DNAH7: variants seen among roughly 807,000 people sequenced by gnomAD.
DNAH7 encodes axonemal beta dynein heavy chain 7.
DNAH7 carries 397 observed loss-of-function variants against 444.6 expected under a neutral mutation model. The observed-to-expected ratio is 0.89, with a 90% confidence interval of 0.82 to 0.97. The LOEUF is 0.97. DNAH7 is among the 50% of genes least tolerant of loss of function. The pLI is 0.00. For missense variants in DNAH7, 4,902 were observed against 4,800.8 expected (o/e 1.02, Z -0.62); for synonymous variants, 1,636 against 1,624.4 (o/e 1.01, Z -0.17).
chr2:195,861,806 A>G lies in DNAH7; in HGVS notation c.7647T>C (p.Phe2549=), dbSNP rs199887822. The change falls in exon 42 of 65, where the codon TTT becomes TTC. Residue 2549 remains phenylalanine (F), a synonymous_variant. Transcript: ENST00000312428. ...CATAATTGTATCTTTGAAGTTCAAC[A>G]AAGAAAGATTTGGATAAATCTATAG... ...TSTIDLSKSF[F]VELQRYNYVT... 1.5e-5 allele frequency: 24 copies of G among 1,613,734 alleles called. No homozygotes were observed. The African/African-American group carries it at 2.9e-4, about 20-fold the overall frequency.
At chr2:196,053,598 G>A (rs1254287083) in intron 2 of DNAH7, among the ~76,000 whole-genome samples, 1 of 152,156 alleles carries the variant, frequency 6.6e-6, no homozygotes, top group African/African-American at 2.4e-5. Context: ...TAGGCAACAG[G>A]AGACATGGGC....
At chr2:195,940,174 T>TA (rs1689328039) in intron 19 of DNAH7, among the ~76,000 whole-genome samples, 1 of 151,804 alleles carries the variant, frequency 6.6e-6, no homozygotes, top group Non-Finnish European at 1.5e-5. Flanking sequence ...CCAAAACAGA[T>TA]ATATAGACCA....
At chr2:195,817,996 T>C (rs1017253754) in intron 49 of DNAH7, among the ~76,000 whole-genome samples, 167 bp from the exon 50 acceptor site, 2 of 152,218 alleles carry the variant, frequency 1.3e-5, no homozygotes, top group East Asian at 1.9e-4. Flanking sequence ...GCAAATATGA[T>C]TGTTGGATTT....
chr2:195,964,710 C>CA (rs60376875), intron 17 of DNAH7, among the ~76,000 whole-genome samples: 84,914 of 127,314 alleles, frequency 0.67, 28,444 homozygotes, highest in Non-Finnish European at 0.75. Context: ...ACTAAAAATA[C>CA]AAAAAAAAAA....
At chr2:195,909,190 A>C (rs1687212850) in intron 25 of DNAH7, among the ~76,000 whole-genome samples, 1 of 152,106 alleles carries the variant, frequency 6.6e-6, no homozygotes, top group Admixed American at 6.6e-5. Flanking sequence ...CTCGCAACAC[A>C]CAATCTACCC....
At chr2:196,010,407 A>G (rs979909876) in intron 10 of DNAH7, among the ~76,000 whole-genome samples, 6 of 152,146 alleles carry the variant, frequency 3.9e-5, no homozygotes, top group African/African-American at 1.4e-4. Context: ...TCAGCCTCCC[A>G]AAGTGCTGGG....
chr2:195,990,898 CATATATATACTTAA>C (rs1349748794), intron 12 of DNAH7, among the ~76,000 whole-genome samples: 1 of 128,636 alleles, frequency 7.8e-6, no homozygotes, highest in Non-Finnish European at 1.6e-5. Context: ...TACTTATATA[CATATATATACTTAA>C]ATATATATAC....
rs1269514345 is a variant in DNAH7, at chr2:195,744,521, C to T, written c.11765-3652G>A. Among the ~76,000 whole-genome samples, 11 of 152,276 alleles carry T rather than the reference C, an allele frequency of 7.2e-5. No homozygotes were observed. The East Asian group carries it at 1.2e-3, about 16-fold the overall frequency. On this transcript the variant is annotated intron_variant, in intron 63 of 64. Coordinates refer to ENST00000312428, the MANE Select transcript of DNAH7 (RefSeq NM_018897.3). ...AGCAGTGGTTCTCCCAGCATGCATC[C>T]GGAGATATGAGAACGGGCAGACTGC...
intron 54 of DNAH7, 41 bp downstream of exon 54, chr2:195,806,698 AG>A (rs1423925925): frequency 2.6e-6 from 4 of 1,558,092 alleles, no homozygotes; most frequent in Non-Finnish European, 2.7e-6. Flanking sequence ...AGCAGGCATA[AG>A]GCTTTGGAAT....
In DNAH7 at chr2:195,794,398, AATG is replaced by A. The variant is rs763684479; in HGVS notation, c.10653_10655del (p.Ile3552del). On this transcript the variant is annotated inframe_deletion, in exon 57 of 65. Transcript: ENST00000312428. Reference sequence around the variant, plus strand: ...AGATCGGGTCCATGAGGTATGATCGAATGATATTAGCCCGTAAACCTTTTGGTG... The same window carrying A: ...AGATCGGGTCCATGAGGTATGATCGAATATTAGCCCGTAAACCTTTTGGTG... The A allele has an allele frequency of 3.1e-6, 5 of 1,614,164 alleles. No individual in the cohort carries two copies. In the East Asian group the frequency reaches 1.1e-4, roughly 36 times the overall value.
In DNAH7 at chr2:195,857,447, T is replaced by C. The variant is rs1244301540; in HGVS notation, c.8344A>G (p.Lys2782Glu). The change falls in exon 44 of 65, where the codon AAA (lysine) becomes GAA (glutamate). Residue 2782 changes from lysine to glutamate, a missense_variant. Physicochemically the swap from Lys to Glu is moderately conservative, Grantham distance 56 (BLOSUM62 1). Transcript: ENST00000312428. ...YIPNPDFVPE[K>E]IRNASTAAEG... ...GCCGCTGTAGAAGCATTTCTGATTT[T>C]TTCTGGTACAAAATCTGGATTTGGA... The C allele has an allele frequency of 2.5e-6, 4 of 1,613,078 alleles. No individual in the cohort carries two copies. The South Asian group carries it at 4.4e-5, about 18-fold the overall frequency.
intron 27 of DNAH7, chr2:195,905,741 TTAAAG>T (rs1191470345): frequency 3.3e-5 from 5 of 152,288 alleles, no homozygotes; most frequent in Non-Finnish European, 7.4e-5. Flanking sequence ...GTGTTTTTTT[TTAAAG>T]TAAAGTCTGG....
chr2:195,905,843 T>G (rs1686981812), intron 27 of DNAH7: 1 of 151,994 alleles, frequency 6.6e-6, no homozygotes, highest in South Asian at 2.1e-4. Flanking sequence ...GGGATGAAAA[T>G]CATTTCAACC....
intron 57 of DNAH7, among the ~76,000 whole-genome samples, chr2:195,790,914 A>G (rs1339347637): frequency 6.6e-6 from 1 of 152,198 alleles, no homozygotes; most frequent in Non-Finnish European, 1.5e-5. Context: ...AACCTTCAGA[A>G]TGGGAGAAAA....
chr2:195,888,873 C>G lies in DNAH7; in HGVS notation c.5155G>C (p.Glu1719Gln). Residue 1719 changes from glutamate (E) to glutamine (Q), a missense_variant, in exon 32 of 65, where the codon GAG becomes CAG. Coordinates refer to ENST00000312428, the MANE Select transcript of DNAH7 (RefSeq NM_018897.3). ...DNKKLCLMSG[E>Q]IIQMSPQMNL... ...ATTTGTGGTGACATCTGAATAATCT[C>G]CCCACTCATCAGACATAGCTTCTTG... is the stretch of plus-strand genomic sequence containing the variant. 1 of 1,614,020 alleles carries G rather than the reference C, an allele frequency of 6.2e-7. No individual in the cohort carries two copies. Among genetic ancestry groups the G allele is most frequent in the East Asian group, 2.2e-5 (1 of 44,848 alleles).
Position 195,900,504 on chromosome 2 carries a change from G to A in DNAH7, c.4336-10C>T, listed in dbSNP as rs368647085. The A allele has an allele frequency of 1.2e-6, 2 of 1,611,348 alleles. No individual in the cohort carries two copies. The highest frequency in any genetic ancestry group is 8.5e-7 in the Non-Finnish European group (1 of 1,177,818). The stretch of plus-strand genomic sequence containing the variant: ...CTGTCCGAAAGAGAGCCTATGGGTA[G>A]GTAGAAAGTTACTTTTAAAAGGATC... On this transcript the variant is annotated splice_polypyrimidine_tract_variant and intron_variant, in intron 27 of 64. Coordinates refer to ENST00000312428, the MANE Select transcript of DNAH7 (RefSeq NM_018897.3).
chr2:195,896,903 C>T (rs193278379), intron 29 of DNAH7, among the ~76,000 whole-genome samples: 5 of 152,306 alleles, frequency 3.3e-5, no homozygotes, highest in Admixed American at 3.3e-4. Flanking sequence ...AGCATCTCTT[C>T]TCCCCTTCCC....
chr2:196,030,883 G>A (rs561886181), intron 5 of DNAH7, among the ~76,000 whole-genome samples: 16 of 152,288 alleles, frequency 1.1e-4, no homozygotes, highest in Middle Eastern at 3.4e-3. Flanking sequence ...GAGTGTCTGC[G>A]GCTTTTCCAG....
chr2:195,853,577 T>C, intron 45 of DNAH7, 49 bp from the exon 46 acceptor site: 17 of 1,521,470 alleles, frequency 1.1e-5, no homozygotes, highest in Non-Finnish European at 1.5e-5. Flanking sequence ...TATAAGAAGT[T>C]TAAAATTCTG....
Sources: allele counts gnomAD v4.1 joint callset (sites outside exome capture counted in the v4.1 genomes callset), GRCh38; gene constraint gnomAD v4.1.1; transcripts MANE v1.5; gene names NCBI Gene and HGNC (gene_info 2026-07-23, HGNC 2026-07-21).